The following SLCO1B1 variants were observed in gnomAD, a reference collection of about 807,000 sequenced individuals.
The protein encoded by SLCO1B1 is OATP-2.
A neutral mutation model predicts 70.1 loss-of-function variants in SLCO1B1; 81 were observed. The ratio of observed to expected loss-of-function variants is 1.16; its 90% CI spans 0.97 to 1.39. SLCO1B1 has a LOEUF of 1.39. SLCO1B1 is among the 40% of genes most tolerant of loss of function. The pLI, the probability that SLCO1B1 is intolerant of heterozygous loss-of-function variation, is 0.00. For missense variants in SLCO1B1, 895 were observed against 799.6 expected (o/e 1.12, Z -1.44); for synonymous variants, 283 against 271.5 (o/e 1.04, Z -0.42).
At chr12:21,233,591 C>A (rs1393273039) in intron 14 of SLCO1B1, among the ~76,000 whole-genome samples, 1 of 149,452 alleles carries the variant, frequency 6.7e-6, no homozygotes, top group African/African-American at 2.4e-5. Flanking sequence ...AAAACAAGAG[C>A]CCCAAAGGAG....
rs1210147033 is a variant in SLCO1B1, at chr12:21,151,383, G to A, written c.84+9725G>A. 5.3e-5 allele frequency among the ~76,000 whole-genome samples: 8 copies of A among 152,024 alleles called. No homozygotes were observed. In the South Asian group the frequency reaches 1.2e-3, roughly 24 times the overall value. The stretch of plus-strand genomic sequence containing the variant: ...TAATTCAAGTCCACTTTCACGTGAC[G>A]TCATACCACTTCATGGGTAGTATGA... On this transcript the variant is annotated intron_variant, in intron 2 of 14. Transcript: ENST00000256958.
chr12:21,134,971 A>G (rs995384139), intron 1 of SLCO1B1, among the ~76,000 whole-genome samples: 29 of 152,138 alleles, frequency 1.9e-4, no homozygotes, highest in Non-Finnish European at 3.4e-4. Flanking sequence ...GTGGGCATTT[A>G]GTGCTATAAA....
At chr12:21,147,701 G>T (rs1205529102) in intron 2 of SLCO1B1, among the ~76,000 whole-genome samples, 2 of 152,132 alleles carry the variant, frequency 1.3e-5, no homozygotes, top group Non-Finnish European at 2.9e-5. Context: ...ATTTGGGTTG[G>T]TTCCAAGTCT....
chr12:21,147,521 G>A (rs1406393613), intron 2 of SLCO1B1, among the ~76,000 whole-genome samples: 1 of 152,124 alleles, frequency 6.6e-6, no homozygotes, highest in Non-Finnish European at 1.5e-5. Flanking sequence ...TTATGAGTGG[G>A]AACATGCAGT....
chr12:21,133,264 G>C (rs1101251), intron 1 of SLCO1B1, among the ~76,000 whole-genome samples: 8 of 151,786 alleles, frequency 5.3e-5, no homozygotes, highest in East Asian at 3.9e-4. Context: ...AGTCAGGTAG[G>C]GTGATGCCTC....
At chr12:21,145,787 T>G (rs867964995) in intron 2 of SLCO1B1, among the ~76,000 whole-genome samples, 1 of 152,276 alleles carries the variant, frequency 6.6e-6, no homozygotes, top group African/African-American at 2.4e-5. Flanking sequence ...CTGTGCTCCT[T>G]GATTCTTATA....
intron 7 of SLCO1B1, among the ~76,000 whole-genome samples, chr12:21,195,322 G>A (rs527996423): frequency 6.3e-4 from 96 of 152,266 alleles, no homozygotes; most frequent in Admixed American, 2.0e-3. Context: ...AGAGAAGCCC[G>A]TCACTTGGTC....
chr12:21,218,913 G>T (rs1941391596), intron 12 of SLCO1B1, among the ~76,000 whole-genome samples: 1 of 152,146 alleles, frequency 6.6e-6, no homozygotes. Flanking sequence ...ATTTCAGTTT[G>T]TTAATAGTTT....
chr12:21,135,487 C>G (rs1258175152), intron 1 of SLCO1B1, among the ~76,000 whole-genome samples: 1 of 152,144 alleles, frequency 6.6e-6, no homozygotes, highest in Non-Finnish European at 1.5e-5. Context: ...TTGTAGGTCA[C>G]TAAGGACTTG....
At chr12:21,200,417 A>T in intron 8 of SLCO1B1, 91 bp from the exon 9 acceptor site, 1 of 785,510 alleles carries the variant, frequency 1.3e-6, no homozygotes, top group Non-Finnish European at 1.9e-6. Flanking sequence ...ATAGAATTTT[A>T]AATCTTACAT....
chr12:21,180,567 A>G (rs1353366425), intron 7 of SLCO1B1, among the ~76,000 whole-genome samples: 2 of 152,216 alleles, frequency 1.3e-5, no homozygotes, highest in African/African-American at 4.8e-5. Context: ...TAGGCCTTCA[A>G]TAGATCATTC....
chr12:21,159,488 A>G (rs1483561445), intron 2 of SLCO1B1, among the ~76,000 whole-genome samples: 1 of 152,156 alleles, frequency 6.6e-6, no homozygotes, highest in Non-Finnish European at 1.5e-5. Context: ...AAAAAATTCA[A>G]ATTTTTCTTA....
At chr12:21,149,115 G>T (rs903829594) in intron 2 of SLCO1B1, among the ~76,000 whole-genome samples, 1 of 152,164 alleles carries the variant, frequency 6.6e-6, no homozygotes, top group Non-Finnish European at 1.5e-5. Flanking sequence ...AGCTTAAGGA[G>T]ATTTTGGGCT....
chr12:21,213,293 G>C (rs1271328442), intron 11 of SLCO1B1, among the ~76,000 whole-genome samples: 1 of 152,068 alleles, frequency 6.6e-6, no homozygotes, highest in African/African-American at 2.4e-5. Context: ...TTGCTTGTCT[G>C]TAAAGTATTT....
intron 7 of SLCO1B1, among the ~76,000 whole-genome samples, chr12:21,180,632 C>A (rs1400049340): frequency 6.6e-6 from 1 of 152,108 alleles, no homozygotes; most frequent in African/African-American, 2.4e-5. Context: ...AGTGGGCCAG[C>A]AACAGCCAAA....
In SLCO1B1 at chr12:21,178,691, C is replaced by T. The variant is rs2291075; in HGVS notation, c.597C>T (p.Phe199=). 618,618 of 1,596,296 alleles carry T rather than the reference C, an allele frequency of 0.39. 124,806 individuals carry two copies. Among genetic ancestry groups the T allele is most frequent in the African/African-American group, 0.56 (41,440 of 74,586 alleles). Residue 199 remains phenylalanine, a synonymous_variant, in exon 6 of 15, where the codon TTC becomes TTT. Coordinates refer to ENST00000256958, the MANE Select transcript of SLCO1B1 (RefSeq NM_006446.5). ...VPLGLSYIDD[F]AKEGHSSLYL... ...TGGGGCTTTCTTACATTGATGATTT[C>T]GCTAAAGAAGGACATTCTTCTTTGT...
chr12:21,140,809 G>A (rs1444295396), intron 1 of SLCO1B1, among the ~76,000 whole-genome samples: 1 of 151,820 alleles, frequency 6.6e-6, no homozygotes, highest in Admixed American at 6.6e-5. Flanking sequence ...CTGGATAATG[G>A]GACAAGAGTT....
At chr12:21,136,994 T>C (rs762967666) in intron 1 of SLCO1B1, among the ~76,000 whole-genome samples, 9 of 152,194 alleles carry the variant, frequency 5.9e-5, no homozygotes, top group Non-Finnish European at 1.3e-4. Flanking sequence ...GATGGTGACG[T>C]ACAGATGGGT....
At chr12:21,204,836 A>T (rs1311193482) in intron 10 of SLCO1B1, among the ~76,000 whole-genome samples, 1 of 151,884 alleles carries the variant, frequency 6.6e-6, no homozygotes, top group Non-Finnish European at 1.5e-5. Flanking sequence ...TGGATGGGGC[A>T]GGCAAAGGGT....
Sources: allele counts gnomAD v4.1 joint callset (sites outside exome capture counted in the v4.1 genomes callset), GRCh38; gene constraint gnomAD v4.1.1; transcripts MANE v1.5; gene names NCBI Gene and HGNC (gene_info 2026-07-23, HGNC 2026-07-21).